APBB2: variants seen among roughly 807,000 people sequenced by gnomAD.
APBB2 encodes Fe65-like 1.
APBB2 carries 38 observed loss-of-function variants against 82.5 expected under a neutral mutation model. The observed-to-expected ratio is 0.46, with a 90% CI of 0.36 to 0.60. APBB2 has a LOEUF of 0.60. Among genes scored for constraint, APBB2 ranks in the 20% least tolerant of loss-of-function variants. APBB2 has a pLI of 0.00. For missense variants in APBB2, 772 were observed against 972.3 expected (o/e 0.79, Z 2.74); for synonymous variants, 341 against 368.2 (o/e 0.93, Z 0.85).
chr4:41,186,699 C>G (rs1175949993), intron 1 of APBB2, among the ~76,000 whole-genome samples: 1 of 152,140 alleles, frequency 6.6e-6, no homozygotes, highest in Non-Finnish European at 1.5e-5. Context: ...GCAATAAACC[C>G]ACCATAAATT....
At chr4:41,085,182 T>C (rs1010605183) in intron 3 of APBB2, among the ~76,000 whole-genome samples, 6 of 140,752 alleles carry the variant, frequency 4.3e-5, no homozygotes, top group Admixed American at 7.7e-5. Context: ...ACCCGGGAGG[T>C]GGAGCTTGCA....
At chr4:40,955,140 G>A (rs1791257276) in intron 6 of APBB2, among the ~76,000 whole-genome samples, 1 of 152,216 alleles carries the variant, frequency 6.6e-6, no homozygotes, top group Non-Finnish European at 1.5e-5. Flanking sequence ...AATCATGTCT[G>A]GGGATAGGGT....
Position 40,869,355 on chromosome 4 carries a change from G to T in APBB2, c.1529+21009C>A, listed in dbSNP as rs191494834. On this transcript the variant is annotated intron_variant, in intron 12 of 17. Transcript: ENST00000508593. Reference sequence around the variant, plus strand: ...CCAGCACTTTGGGAGGCTGAGTGAGGTAGGAGGATCAGTTGAGGCCAGGAG... The same window carrying T: ...CCAGCACTTTGGGAGGCTGAGTGAGTTAGGAGGATCAGTTGAGGCCAGGAG... 3.0e-4 allele frequency among the ~76,000 whole-genome samples: 46 copies of T among 152,328 alleles called. 1 individual carries two copies. The East Asian group carries it at 8.3e-3, about 27-fold the overall frequency.
intron 2 of APBB2, among the ~76,000 whole-genome samples, chr4:41,121,525 G>T (rs1312019648): frequency 6.6e-6 from 1 of 152,226 alleles, no homozygotes; most frequent in African/African-American, 2.4e-5. Context: ...GAGGGAAAGC[G>T]ACAGAGTTGG....
rs115087583 is a variant in APBB2 at position 40,925,134 on chromosome 4, A to T, written c.1254+9322T>A. ...GCCCCCGGAACAACCCCCATTCGTGACTCAGTAGCTCAGCTCCTGGTACAG... is the reference window on the plus strand; with the variant it reads ...GCCCCCGGAACAACCCCCATTCGTGTCTCAGTAGCTCAGCTCCTGGTACAG... On this transcript the variant is annotated intron_variant, in intron 10 of 17. Coordinates refer to ENST00000508593, the MANE Select transcript of APBB2 (RefSeq NM_004307.2). Among the ~76,000 whole-genome samples, 584 of 152,186 alleles carry T rather than the reference A, an allele frequency of 3.8e-3. 3 individuals are homozygous for T. Among genetic ancestry groups the T allele is most frequent in the African/African-American group, 0.013 (527 of 41,494 alleles).
chr4:41,207,191 T>A (rs1268560009), intron 1 of APBB2, among the ~76,000 whole-genome samples: 2 of 93,092 alleles, frequency 2.1e-5, no homozygotes, highest in African/African-American at 8.7e-5. Context: ...CAAGTGAGAC[T>A]CCGTCTCAAA....
chr4:41,166,034 C>T (rs550067093), intron 1 of APBB2, among the ~76,000 whole-genome samples: 37 of 151,946 alleles, frequency 2.4e-4, no homozygotes, highest in South Asian at 6.3e-4. Context: ...CCACCACGCC[C>T]GGCTAATTTT....
intron 1 of APBB2, among the ~76,000 whole-genome samples, chr4:41,207,578 C>T (rs1323076910): frequency 2.6e-5 from 4 of 152,162 alleles, no homozygotes; most frequent in Non-Finnish European, 4.4e-5. Flanking sequence ...CATTCTGTTC[C>T]CTTACACCCT....
chr4:40,999,172 T>C (rs1804453211), intron 6 of APBB2, among the ~76,000 whole-genome samples: 1 of 152,170 alleles, frequency 6.6e-6, no homozygotes, highest in Non-Finnish European at 1.5e-5. Flanking sequence ...CCTACTACTC[T>C]GCATCACACC....
chr4:41,113,914 C>T (rs1251232954), intron 2 of APBB2: 1 of 152,232 alleles, frequency 6.6e-6, no homozygotes, highest in Non-Finnish European at 1.5e-5. Context: ...CATGGTGAAC[C>T]CTGTCTCTAC....
chr4:40,998,530 C>T (rs1399032478), intron 6 of APBB2, among the ~76,000 whole-genome samples: 6 of 152,096 alleles, frequency 3.9e-5, no homozygotes, highest in South Asian at 2.1e-4. Context: ...TTAAAATAGT[C>T]GTCCCTTTTT....
chr4:41,159,969 GAAGAAGAAGAAGAAGAAGAAGAAGA>G (rs1580501155), intron 1 of APBB2, among the ~76,000 whole-genome samples: 7 of 98,750 alleles, frequency 7.1e-5, no homozygotes, highest in African/African-American at 2.7e-4. Context: ...AGGAGAAGAA[GAAGAAGAAGAAGAAGAAGAAGAAGA>G]AGAAGAAGAA....
intron 1 of APBB2, among the ~76,000 whole-genome samples, chr4:41,152,252 CTA>C (rs1021298619): frequency 2.6e-5 from 4 of 151,276 alleles, no homozygotes; most frequent in African/African-American, 7.3e-5. Context: ...ATTTTATATT[CTA>C]TATCAGATAA....
intron 12 of APBB2, among the ~76,000 whole-genome samples, chr4:40,844,316 A>G (rs940755076): frequency 6.6e-6 from 1 of 152,214 alleles, no homozygotes; most frequent in African/African-American, 2.4e-5. Context: ...AGAGGGGATA[A>G]GGACACCTGC....
At chr4:40,872,804 C>T (rs970466920) in intron 12 of APBB2, among the ~76,000 whole-genome samples, 2 of 151,278 alleles carry the variant, frequency 1.3e-5, no homozygotes, top group African/African-American at 2.4e-5. Flanking sequence ...AAAAAGATGG[C>T]GCCGGGTGCA....
intron 12 of APBB2, among the ~76,000 whole-genome samples, chr4:40,851,738 A>ATATATATATATATATTTT (rs1192919460): frequency 3.0e-5 from 2 of 67,736 alleles, no homozygotes; most frequent in Non-Finnish European, 6.6e-5. Context: ...ATATATATAT[A>ATATATATATATATATTTT]TTTTTTTTTT....
intron 10 of APBB2, among the ~76,000 whole-genome samples, chr4:40,904,539 A>C (rs1260978051): frequency 6.6e-6 from 1 of 152,066 alleles, no homozygotes; most frequent in Admixed American, 6.6e-5. Flanking sequence ...AAAAACAGGC[A>C]AGCTTTTCAA....
At chr4:41,124,194 C>T (rs922826138) in intron 2 of APBB2, among the ~76,000 whole-genome samples, 2 of 152,172 alleles carry the variant, frequency 1.3e-5, no homozygotes, top group African/African-American at 4.8e-5. Context: ...CTACTTTTGA[C>T]TTTTCTTCAA....
chr4:40,932,043 C>T (rs1303768661), intron 10 of APBB2, among the ~76,000 whole-genome samples: 3 of 152,070 alleles, frequency 2.0e-5, no homozygotes, highest in South Asian at 2.1e-4. Flanking sequence ...GCAACACAGC[C>T]GGAAGGGAAA....
Sources: gnomAD v4.1 joint callset for allele counts (sites outside exome capture counted in the v4.1 genomes callset) on GRCh38, gnomAD v4.1.1 for gene constraint, MANE v1.5 for transcripts, NCBI Gene and HGNC (gene_info 2026-07-23, HGNC 2026-07-21) for gene names.